The following SPPL3 variants were observed in gnomAD, a reference collection of about 807,000 sequenced individuals.
SPPL3 encodes the protein signal peptide peptidase-like 3.
A neutral mutation model predicts 42.4 loss-of-function variants in SPPL3; 5 were observed. The ratio of observed to expected loss-of-function variants is 0.12; its 90% confidence interval spans 0.06 to 0.25. The LOEUF is 0.25. SPPL3 is among the 10% of genes least tolerant of loss of function. SPPL3 has a pLI of 1.00. For synonymous variants in SPPL3, 195 were observed against 181.8 expected (o/e 1.07, Z -0.58); for missense variants, 235 against 489.0 (o/e 0.48, Z 4.90).
chr12:120,771,826 C>A (rs985153366), intron 6 of SPPL3, among the ~76,000 whole-genome samples: 1 of 152,226 alleles, frequency 6.6e-6, no homozygotes, highest in African/African-American at 2.4e-5. Flanking sequence ...GCCCTCAACA[C>A]GCATTCCTGT....
rs143807573 is a variant in SPPL3 at position 120,784,121 on chromosome 12, C to T, written c.310+353G>A. 236 of 248,060 alleles carry T rather than the reference C, an allele frequency of 9.5e-4. 2 individuals are homozygous for T. The highest frequency in any genetic ancestry group is 1.7e-3 in the East Asian group (18 of 10,846). 15.4% of individuals were successfully genotyped at this position (248,060 alleles called of 1,614,324 possible). A position where few individuals can be genotyped will look rare whatever the true frequency, so the allele number is the denominator to read the frequency against. On this transcript the variant is annotated intron_variant, in intron 4 of 10. Transcript: ENST00000353487. ...CTATCCATGTTTCTACCTGCAAGAA[C>T]GTGGGTAGAGGCTGACAATGGCCTC...
chr12:120,883,090 G>A lies in SPPL3; in HGVS notation c.23+20755C>T, dbSNP rs138306568. Among the ~76,000 whole-genome samples, 1,420 of 151,758 alleles carry A rather than the reference G, an allele frequency of 9.4e-3. 27 individuals are homozygous for A. Among genetic ancestry groups the A allele is most frequent in the Non-Finnish European group, 0.011 (757 of 67,922 alleles). On this transcript the variant is annotated intron_variant, in intron 1 of 10. Coordinates refer to ENST00000353487, the MANE Select transcript of SPPL3 (RefSeq NM_139015.5). Reference sequence around the variant, plus strand: ...GAGGCTGAGGCAGGCAGATCACGAGGTCAGGAGATCAAGACCATCCTGGCT... The same window carrying A: ...GAGGCTGAGGCAGGCAGATCACGAGATCAGGAGATCAAGACCATCCTGGCT...
intron 1 of SPPL3, among the ~76,000 whole-genome samples, chr12:120,866,434 T>G (rs1872757268): frequency 6.6e-6 from 1 of 151,208 alleles, no homozygotes; most frequent in African/African-American, 2.5e-5. Flanking sequence ...GAGAACATTA[T>G]ATTTGAGGAA....
chr12:120,853,098 T>C (rs1392805150), intron 1 of SPPL3, among the ~76,000 whole-genome samples: 1 of 151,684 alleles, frequency 6.6e-6, no homozygotes, highest in African/African-American at 2.4e-5. Context: ...GGTTTGACTG[T>C]GTTGGCCAGG....
chr12:120,856,970 G>A (rs1393581502), intron 1 of SPPL3, among the ~76,000 whole-genome samples: 1 of 152,130 alleles, frequency 6.6e-6, no homozygotes, highest in East Asian at 1.9e-4. Context: ...GAGTGATAGG[G>A]ACCCTCTAAA....
chr12:120,841,779 C>T (rs188559581), intron 1 of SPPL3, among the ~76,000 whole-genome samples: 46 of 151,358 alleles, frequency 3.0e-4, no homozygotes, highest in Middle Eastern at 6.8e-3. Context: ...AAAGGTCAAA[C>T]ACAGAGTGGT....
intron 2 of SPPL3, among the ~76,000 whole-genome samples, chr12:120,806,430 G>C (rs1367985729): frequency 1.3e-5 from 2 of 151,828 alleles, no homozygotes; most frequent in Non-Finnish European, 2.9e-5. Flanking sequence ...AATGGTACTG[G>C]GACAAGTGGA....
chr12:120,855,555 C>T (rs1438419493), intron 1 of SPPL3, among the ~76,000 whole-genome samples: 1 of 152,034 alleles, frequency 6.6e-6, no homozygotes, highest in African/African-American at 2.4e-5. Flanking sequence ...GGCATGACGG[C>T]AGTTGCCTGT....
At chr12:120,899,765 C>T (rs1873916982) in intron 1 of SPPL3, among the ~76,000 whole-genome samples, 3 of 151,402 alleles carry the variant, frequency 2.0e-5, no homozygotes, top group South Asian at 4.2e-4. Context: ...TGGTGGTACA[C>T]GCCTGTAATC....
intron 10 of SPPL3, 145 bp downstream of exon 10, chr12:120,766,118 A>T (rs773867388): frequency 5.6e-6 from 2 of 358,288 alleles, no homozygotes; most frequent in Non-Finnish European, 9.8e-6. Flanking sequence ...ACACACACAC[A>T]CACACACACA....
At chr12:120,822,088 T>C (rs1008264832) in intron 1 of SPPL3, among the ~76,000 whole-genome samples, 3 of 152,090 alleles carry the variant, frequency 2.0e-5, no homozygotes, top group African/African-American at 7.2e-5. Flanking sequence ...ATACCAGGAC[T>C]GGAGAGAAAG....
At chr12:120,800,827 G>A (rs1870265675) in intron 2 of SPPL3, among the ~76,000 whole-genome samples, 1 of 152,086 alleles carries the variant, frequency 6.6e-6, no homozygotes, top group Non-Finnish European at 1.5e-5. Context: ...AACATCCAGG[G>A]GGTTAAAATG....
At chr12:120,808,230 G>A (rs541032747) in intron 2 of SPPL3, among the ~76,000 whole-genome samples, 2 of 151,788 alleles carry the variant, frequency 1.3e-5, no homozygotes, top group African/African-American at 4.8e-5. Flanking sequence ...AGGTAGCGCC[G>A]CCATGCCCAG....
At chr12:120,825,900 T>C (rs544336646) in intron 1 of SPPL3, among the ~76,000 whole-genome samples, 9 of 149,696 alleles carry the variant, frequency 6.0e-5, no homozygotes, top group Non-Finnish European at 1.1e-4. Flanking sequence ...GGAGGTGCTA[T>C]AGTCACAAAC....
At chr12:120,801,420 G>A (rs572068865) in intron 2 of SPPL3, among the ~76,000 whole-genome samples, 16 of 150,822 alleles carry the variant, frequency 1.1e-4, no homozygotes, top group Non-Finnish European at 5.9e-5. Context: ...TCAGCCATCT[G>A]GCCATTTTTT....
At chr12:120,785,343 A>AT (rs1869686330) in intron 3 of SPPL3, among the ~76,000 whole-genome samples, 1 of 152,292 alleles carries the variant, frequency 6.6e-6, no homozygotes, top group African/African-American at 2.4e-5. Flanking sequence ...CTAGAGTAGG[A>AT]TTTAGCGCAA....
At chr12:120,863,846 TTTC>T (rs1340231219) in intron 1 of SPPL3, among the ~76,000 whole-genome samples, 11 of 151,752 alleles carry the variant, frequency 7.2e-5, no homozygotes, top group Admixed American at 6.6e-4. Context: ...TTTCTTTTCT[TTTC>T]TTTTTTTCTT....
At chr12:120,818,225 A>T (rs144598148) in intron 1 of SPPL3, among the ~76,000 whole-genome samples, 2 of 152,328 alleles carry the variant, frequency 1.3e-5, no homozygotes, top group African/African-American at 4.8e-5. Flanking sequence ...AACTAAATAC[A>T]TGCATTTGAG....
Position 120,820,641 on chromosome 12 carries a change from A to G in SPPL3, c.24-9755T>C, listed in dbSNP as rs553833360. ...TATCTAAAAATATTAGTCTAACATTATAATGTTGGAGATCATTGTTTTCCA... is the reference window on the plus strand; with the variant it reads ...TATCTAAAAATATTAGTCTAACATTGTAATGTTGGAGATCATTGTTTTCCA... On this transcript the variant is annotated intron_variant, in intron 1 of 10. Coordinates refer to ENST00000353487, the MANE Select transcript of SPPL3 (RefSeq NM_139015.5). Among the ~76,000 whole-genome samples, 11 of 152,310 alleles carry G rather than the reference A, an allele frequency of 7.2e-5. 1 individual carries two copies. The South Asian group carries it at 2.3e-3, about 32-fold the overall frequency.
Sources: gnomAD v4.1 joint callset for allele counts (sites outside exome capture counted in the v4.1 genomes callset) on GRCh38, gnomAD v4.1.1 for gene constraint, MANE v1.5 for transcripts, NCBI Gene and HGNC (gene_info 2026-07-23, HGNC 2026-07-21) for gene names.